The following CTSE variants were observed in gnomAD, a reference collection of about 807,000 sequenced individuals.
CTSE encodes the protein cathepsin E.
Under a neutral mutation model 42.8 loss-of-function variants are expected in CTSE, and 43 were observed. The observed-to-expected ratio is 1.01, with a 90% CI of 0.79 to 1.30. The LOEUF (loss-of-function observed/expected upper bound fraction) is 1.30. Among genes scored for constraint, CTSE ranks in the 50% most tolerant of loss-of-function variants. The pLI, the probability that CTSE is intolerant of heterozygous loss-of-function variation, is 0.00. For missense variants in CTSE, 532 were observed against 493.5 expected, an observed-to-expected ratio of 1.08 and a Z score of -0.74; for synonymous variants, 205 against 191.5, an observed-to-expected ratio of 1.07 and a Z score of -0.58.
intron 4 of CTSE, among the ~76,000 whole-genome samples, chr1:206,019,048 TC>T (rs1553278014): frequency 6.6e-6 from 1 of 152,110 alleles, no homozygotes; most frequent in East Asian, 1.9e-4. Context: ...GGCTAAATGG[TC>T]CCTTTAAGGG....
intron 4 of CTSE, among the ~76,000 whole-genome samples, chr1:206,019,864 G>C (rs1313795946): frequency 4.5e-5 from 6 of 134,494 alleles, no homozygotes; most frequent in Admixed American, 1.6e-4. Context: ...TTATATAATA[G>C]ATTAACATAA....
intron 6 of CTSE, among the ~76,000 whole-genome samples, chr1:206,013,173 T>C (rs1338477137): frequency 6.6e-5 from 10 of 152,082 alleles, no homozygotes; most frequent in African/African-American, 2.4e-4. Context: ...TTCCAATTCC[T>C]GCATTGTCTA....
rs115293793 is a variant in CTSE, at chr1:206,012,285, C to T, written c.1026+23G>A. 9.6e-4 allele frequency: 1,532 copies of T among 1,596,672 alleles called. 11 individuals are homozygous for T. The African/African-American group carries it at 9.7e-3, about 10-fold the overall frequency. On this transcript the variant is annotated intron_variant, in intron 8 of 8. Transcript: ENST00000358184. The stretch of plus-strand genomic sequence containing the variant: ...CATGTGGGGAGGGCCCTGTGGCCTG[C>T]AGAATAAGGAAACAGTTCTTACCAG...
rs374550378 is a variant in CTSE, at chr1:206,022,980, T to G, written c.146A>C (p.His49Pro). 1 of 1,612,516 alleles carries G rather than the reference T, an allele frequency of 6.2e-7. No homozygotes were observed. Among genetic ancestry groups the G allele is most frequent in the Non-Finnish European group, 8.5e-7 (1 of 1,179,068 alleles). ...RSQLSEFWKS[H>P]NLDMIQFTES... is the part of the protein sequence containing the mutation. ...GGTGAACTGGATCATGTCCAAATTA[T>G]GGGATTTCCAGAACTCAGAGAGCTG... is the stretch of plus-strand genomic sequence containing the variant. Residue 49 changes from histidine to proline, a missense_variant, in exon 2 of 9, where the codon CAT becomes CCT. Physicochemically the swap from His to Pro is moderately conservative, Grantham distance 77 (BLOSUM62 -2). Transcript: ENST00000358184.
rs1553277687 is a variant in CTSE, at chr1:206,016,060, T to A, written c.533A>T (p.Asp178Val). 5 of 1,613,836 alleles carry A rather than the reference T, an allele frequency of 3.1e-6. No homozygotes were observed. The East Asian group carries it at 6.7e-5, about 22-fold the overall frequency. Residue 178 changes from aspartate to valine, a missense_variant, in exon 5 of 9, where the codon GAT becomes GTT. Physicochemically the swap from Asp to Val is radical, Grantham distance 152. Coordinates refer to ENST00000358184, the MANE Select transcript of CTSE (RefSeq NM_001910.4). ...GCCCAGAATTCCATCAAACTCTGCA[T>A]CCACAAAGGTCTGGCCTGGCTCTGT... ...SVTEPGQTFVDAEFDGILGLG... is the reference protein window; with the variant it reads ...SVTEPGQTFVVAEFDGILGLG...
At chr1:206,016,448 C>A (rs181427547) in intron 4 of CTSE, among the ~76,000 whole-genome samples, 14 of 152,142 alleles carry the variant, frequency 9.2e-5, no homozygotes, top group African/African-American at 3.1e-4. Context: ...TCTTTGGTAT[C>A]TGGCTTCTGT....
chr1:206,019,928 T>C (rs1661367312), intron 4 of CTSE, among the ~76,000 whole-genome samples: 2 of 143,128 alleles, frequency 1.4e-5, no homozygotes, highest in Non-Finnish European at 3.0e-5. Flanking sequence ...ATATAACACA[T>C]ACTATATTAT....
At position 206,023,156 on chromosome 1, in the gene CTSE, G is replaced by T. The variant is rs1417553868; in HGVS notation, c.69-99C>A. On this transcript the variant is annotated intron_variant, in intron 1 of 8. Coordinates refer to ENST00000358184, the MANE Select transcript of CTSE (RefSeq NM_001910.4). ...TCAGGGGCCAACTAGAGAAGATGGG[G>T]TGGGAGGGGGGGATCTGCAAGACAG... 8.0e-6 allele frequency: 8 copies of T among 997,180 alleles called. No individual in the cohort carries two copies. In the Admixed American group the frequency reaches 1.4e-4, roughly 17 times the overall value. 61.8% of individuals were successfully genotyped at this position (997,180 alleles called of 1,614,324 possible). A position where few individuals can be genotyped will look rare whatever the true frequency, so the allele number is the denominator to read the frequency against.
intron 4 of CTSE, among the ~76,000 whole-genome samples, chr1:206,019,853 A>G (rs1216361578): frequency 2.8e-5 from 4 of 141,682 alleles, no homozygotes; most frequent in Non-Finnish European, 6.1e-5. Context: ...AGGTTAATCT[A>G]TTATATAATA....
At chr1:206,023,189 G>A in intron 1 of CTSE, 132 bp from the exon 2 acceptor site, 1 of 928,828 alleles carries the variant, frequency 1.1e-6, no homozygotes, top group Non-Finnish European at 1.6e-6. Flanking sequence ...CAGCACGCAG[G>A]ATACAGGTGG....
At chr1:206,023,120 G>A (rs1186017208) in intron 1 of CTSE, 63 bp from the exon 2 acceptor site, 29 of 1,255,176 alleles carry the variant, frequency 2.3e-5, no homozygotes, top group Admixed American at 7.8e-5. Context: ...CCCCATTCTC[G>A]TCCCATTTTC....
intron 8 of CTSE, 68 bp from the exon 9 acceptor site, chr1:206,010,415 G>T: frequency 7.1e-7 from 1 of 1,405,944 alleles, no homozygotes; most frequent in Non-Finnish European, 1.0e-6. Flanking sequence ...CCTGGAGGCT[G>T]CCTGTGTGGT....
chr1:206,010,418 T>C (rs1661059681), intron 8 of CTSE, 71 bp from the exon 9 acceptor site: 2 of 1,372,566 alleles, frequency 1.5e-6, no homozygotes, highest in Non-Finnish European at 2.1e-6. Context: ...GGAGGCTGCC[T>C]GTGTGGTGGT....
At chr1:206,012,712 C>T (rs1297483313) in intron 6 of CTSE, 63 bp from the exon 7 acceptor site, 2 of 1,576,930 alleles carry the variant, frequency 1.3e-6, no homozygotes, top group East Asian at 2.2e-5. Flanking sequence ...AACTCCCACT[C>T]TTTTTTGGCC....
At chr1:206,023,644 A>G in intron 1 of CTSE, 80 bp downstream of exon 1, 1 of 1,373,530 alleles carries the variant, frequency 7.3e-7, no homozygotes, top group Non-Finnish European at 1.0e-6. Context: ...CCTCCCCATC[A>G]GCTTTCCTAC....
chr1:206,015,629 G>A (rs1661239785), intron 5 of CTSE, among the ~76,000 whole-genome samples: 1 of 152,026 alleles, frequency 6.6e-6, no homozygotes, highest in Non-Finnish European at 1.5e-5. Flanking sequence ...CCCAGTGTGA[G>A]CATCATAATC....
At position 206,009,576 on chromosome 1, in the gene CTSE, T is replaced by C. The variant is rs1553276601; in HGVS notation, c.*607A>G. The C allele has an allele frequency of 2.0e-5, 3 of 153,626 alleles. No homozygotes were observed. The allele number at this position is 153,626 out of a possible 1,614,324, so 9.5% of individuals were successfully genotyped here. On this transcript the variant is annotated 3_prime_UTR_variant, in exon 9 of 9. Coordinates refer to ENST00000358184, the MANE Select transcript of CTSE (RefSeq NM_001910.4). ...AGACATTTCAAATAAATGCAATATATGGGCCTTGCTTGAATCCTAATACAA... is the reference window on the plus strand; with the variant it reads ...AGACATTTCAAATAAATGCAATATACGGGCCTTGCTTGAATCCTAATACAA...
At chr1:206,022,847 T>G in intron 2 of CTSE, 54 bp downstream of exon 2, 1 of 1,493,954 alleles carries the variant, frequency 6.7e-7, no homozygotes, top group South Asian at 1.3e-5. Context: ...GCCCTAATGC[T>G]GGGCCTTCCT....
At chr1:206,012,693 C>A (rs1475881429) in intron 6 of CTSE, 44 bp from the exon 7 acceptor site, 1 of 1,599,074 alleles carries the variant, frequency 6.3e-7, no homozygotes, top group Admixed American at 1.7e-5. Flanking sequence ...CCTCCCCCGG[C>A]TCCTAGGAAA....
Sources: allele counts gnomAD v4.1 joint callset (sites outside exome capture counted in the v4.1 genomes callset), GRCh38; gene constraint gnomAD v4.1.1; transcripts MANE v1.5; gene names NCBI Gene and HGNC (gene_info 2026-07-23, HGNC 2026-07-21).